VGLL4: variants seen among roughly 807,000 people sequenced by gnomAD.
The protein encoded by VGLL4 is transcription cofactor vestigial-like protein 4.
VGLL4 carries 7 observed loss-of-function variants against 21.0 expected under a neutral mutation model. The ratio of observed to expected loss-of-function variants is 0.33; its 90% confidence interval spans 0.19 to 0.63. VGLL4 has a LOEUF of 0.63. VGLL4 is among the 20% of genes least tolerant of loss of function. The pLI is 0.78. For missense variants in VGLL4, 394 were observed against 425.7 expected (o/e 0.93, Z 0.66); for synonymous variants, 222 against 173.2 (o/e 1.28, Z -2.21).
chr3:11,628,779 C>G (rs2075413931), intron 1 of VGLL4, among the ~76,000 whole-genome samples: 1 of 152,206 alleles, frequency 6.6e-6, no homozygotes, highest in African/African-American at 2.4e-5. Flanking sequence ...GAGATCGCAC[C>G]ACTTCACTCC....
intron 2 of VGLL4, among the ~76,000 whole-genome samples, chr3:11,656,782 G>T (rs2075965106): frequency 6.6e-6 from 1 of 152,172 alleles, no homozygotes; most frequent in Non-Finnish European, 1.5e-5. Context: ...TAGGTTTCTA[G>T]CCAGGCTCTG....
chr3:11,705,914 C>T (rs1170453673), intron 1 of VGLL4, among the ~76,000 whole-genome samples: 1 of 114,408 alleles, frequency 8.7e-6, no homozygotes, highest in East Asian at 2.3e-4. Flanking sequence ...GAGCGAGACT[C>T]CGTCTCAAAA....
rs554760410 is a variant in VGLL4 at position 11,590,588 on chromosome 3, C to A, written c.272+11245G>T. Among the ~76,000 whole-genome samples the A allele has an allele frequency of 8.7e-4, 133 of 152,150 alleles. 4 individuals are homozygous for A. In the South Asian group the frequency reaches 0.026, roughly 30 times the overall value. On this transcript the variant is annotated intron_variant, in intron 2 of 4. Coordinates refer to ENST00000430365, the MANE Select transcript of VGLL4 (RefSeq NM_001128219.3). ...GGCACAGTTTCTAGCTACTGCCAGA[C>A]CCAGAACATTACTGCAACATTAAGC...
At chr3:11,587,524 G>T (rs564470605) in intron 2 of VGLL4, among the ~76,000 whole-genome samples, 2 of 152,238 alleles carry the variant, frequency 1.3e-5, no homozygotes, top group East Asian at 3.9e-4. Flanking sequence ...TAAAATAAAC[G>T]CAACAACAAT....
intron 2 of VGLL4, among the ~76,000 whole-genome samples, chr3:11,592,505 C>T (rs17034742): frequency 0.053 from 8,006 of 152,146 alleles, 315 homozygotes; most frequent in East Asian, 0.2. Flanking sequence ...CTTTACTTCC[C>T]TCCATCCTCC....
intron 2 of VGLL4, among the ~76,000 whole-genome samples, chr3:11,590,862 A>T (rs1193626935): frequency 6.6e-6 from 1 of 152,214 alleles, no homozygotes; most frequent in African/African-American, 2.4e-5. Flanking sequence ...ATCAGCAAGA[A>T]ATTAGAGGAA....
intron 3 of VGLL4, 63 bp downstream of exon 3, chr3:11,564,734 T>C (rs529040279): frequency 7.1e-4 from 1,049 of 1,474,690 alleles, no homozygotes; most frequent in Non-Finnish European, 8.6e-4. Flanking sequence ...CTCGGGGCTC[T>C]CCATCCAGCC....
chr3:11,628,313 G>A (rs566994627), intron 1 of VGLL4, among the ~76,000 whole-genome samples: 183 of 151,930 alleles, frequency 1.2e-3, no homozygotes, highest in Non-Finnish European at 2.3e-3. Flanking sequence ...GCTTGAACCC[G>A]GGAGGCAGAG....
intron 1 of VGLL4, among the ~76,000 whole-genome samples, chr3:11,613,312 AGGGTACGACT>A (rs1267664322): frequency 2.6e-5 from 4 of 152,154 alleles, no homozygotes; most frequent in African/African-American, 9.7e-5. Flanking sequence ...GGAGTTCCAG[AGGGTACGACT>A]GCCACAGGCC....
At chr3:11,665,988 C>G (rs953561514) in intron 2 of VGLL4, among the ~76,000 whole-genome samples, 22 of 152,244 alleles carry the variant, frequency 1.4e-4, no homozygotes, top group African/African-American at 5.1e-4. Flanking sequence ...CGGTGGCTCA[C>G]GCCTGTAATC....
chr3:11,608,869 A>G lies in VGLL4; in HGVS notation c.83-6847T>C, dbSNP rs1559897413. On this transcript the variant is annotated intron_variant, in intron 1 of 4. Transcript: ENST00000430365. ...AACAGCACTGGTCTCTTCAACCTCC[A>G]TTTTTTTTTGGAGACGGAGTCTCAC... 2.7e-5 allele frequency among the ~76,000 whole-genome samples: 4 copies of G among 150,906 alleles called. 1 individual carries two copies. The highest frequency in any genetic ancestry group is 9.7e-5 in the African/African-American group (4 of 41,074).
intron 1 of VGLL4, among the ~76,000 whole-genome samples, chr3:11,629,746 CAA>C (rs10609918): frequency 0.039 from 3,313 of 85,358 alleles, 29 homozygotes; most frequent in Middle Eastern, 0.082. Context: ...AGACGGGTCT[CAA>C]AAAAAAAAAA....
chr3:11,678,933 C>T (rs552671518), intron 2 of VGLL4, among the ~76,000 whole-genome samples: 39 of 152,226 alleles, frequency 2.6e-4, no homozygotes, highest in African/African-American at 9.1e-4. Context: ...ACATCATAGC[C>T]GTCATAATGT....
At chr3:11,618,646 G>C (rs1339339251) in intron 1 of VGLL4, among the ~76,000 whole-genome samples, 1 of 152,064 alleles carries the variant, frequency 6.6e-6, no homozygotes. Flanking sequence ...AAGGACTTTT[G>C]TTTCCTTACC....
At chr3:11,623,236 A>G (rs1428119270) in intron 1 of VGLL4, among the ~76,000 whole-genome samples, 5 of 152,208 alleles carry the variant, frequency 3.3e-5, no homozygotes, top group African/African-American at 7.2e-5. Flanking sequence ...GGAAGAGCCC[A>G]TGGAACAGAA....
chr3:11,691,128 G>T (rs1413348181), intron 2 of VGLL4, among the ~76,000 whole-genome samples: 1 of 151,548 alleles, frequency 6.6e-6, no homozygotes, highest in African/African-American at 2.4e-5. Flanking sequence ...CACAAGTATG[G>T]TGAGGGAGGG....
At chr3:11,681,872 C>T (rs2125381758) in intron 2 of VGLL4, among the ~76,000 whole-genome samples, 1 of 152,270 alleles carries the variant, frequency 6.6e-6, no homozygotes, top group Middle Eastern at 3.4e-3. Context: ...AGGGCGACGG[C>T]CATAACAGTG....
chr3:11,686,699 C>A lies in VGLL4; in HGVS notation c.64+16272G>T, dbSNP rs190087507. Reference sequence around the variant, plus strand: ...TCACAATAAAAAACAATTTTTTAATCATTCTTCCTCCATGGATTTTAAATT... The same window carrying A: ...TCACAATAAAAAACAATTTTTTAATAATTCTTCCTCCATGGATTTTAAATT... On this transcript the variant is annotated intron_variant, in intron 2 of 5. Transcript: ENST00000273038. Among the ~76,000 whole-genome samples, 589 of 152,286 alleles carry A rather than the reference C, an allele frequency of 3.9e-3. 2 individuals are homozygous for A. The highest frequency in any genetic ancestry group is 5.8e-3 in the Non-Finnish European group (397 of 68,018).
At chr3:11,707,766 G>C (rs2076783365) in intron 1 of VGLL4, among the ~76,000 whole-genome samples, 1 of 152,110 alleles carries the variant, frequency 6.6e-6, no homozygotes, top group African/African-American at 2.4e-5. Context: ...GGCTGAGGTG[G>C]GAGGCTCCCT....
Sources: gnomAD v4.1 joint callset for allele counts (sites outside exome capture counted in the v4.1 genomes callset) on GRCh38, gnomAD v4.1.1 for gene constraint, MANE v1.5 for transcripts, NCBI Gene and HGNC (gene_info 2026-07-23, HGNC 2026-07-21) for gene names.